Variants in PALS1 observed in about 807,000 individuals in gnomAD.
PALS1 encodes the protein protein PALS1.
In PALS1, 31 loss-of-function variants were observed where a neutral mutation model predicts 78.9. That is an observed-to-expected ratio of 0.39 (90% CI 0.30 to 0.53). The LOEUF (loss-of-function observed/expected upper bound fraction) is 0.53. Ranked by LOEUF, PALS1 falls within the 20% of genes least tolerant of loss-of-function variation. PALS1 has a pLI of 0.67. For missense variants in PALS1, 704 were observed against 826.5 expected, an observed-to-expected ratio of 0.85 and a Z score of 1.82; for synonymous variants, 276 against 270.9, an observed-to-expected ratio of 1.02 and a Z score of -0.18.
intron 6 of PALS1, 89 bp from the exon 7 acceptor site, chr14:67,302,318 ATTG>A: frequency 8.9e-7 from 1 of 1,125,506 alleles, no homozygotes. Context: ...GAAGGTTAGT[ATTG>A]TTGAATGGAA....
chr14:67,310,839 A>C (rs866044677), intron 8 of PALS1, among the ~76,000 whole-genome samples: 1 of 152,178 alleles, frequency 6.6e-6, no homozygotes, highest in Non-Finnish European at 1.5e-5. Flanking sequence ...CTGTCTATCT[A>C]TCTATCTATG....
chr14:67,331,563 C>G (rs1232838432), intron 14 of PALS1, among the ~76,000 whole-genome samples: 6 of 152,018 alleles, frequency 3.9e-5, no homozygotes, highest in Admixed American at 1.3e-4. Context: ...TCAGTTTTGC[C>G]TAGTTCAGCT....
intron 1 of PALS1, among the ~76,000 whole-genome samples, chr14:67,258,477 G>A (rs958095767): frequency 4.6e-5 from 7 of 152,144 alleles, no homozygotes; most frequent in African/African-American, 1.7e-4. Context: ...CTGGAGGGTC[G>A]TGGTGTGATC....
intron 1 of PALS1, among the ~76,000 whole-genome samples, chr14:67,246,049 TATTTGACTGC>T (rs1330966289): frequency 6.6e-6 from 1 of 152,096 alleles, no homozygotes; most frequent in Non-Finnish European, 1.5e-5. Context: ...TGTCAAAAGC[TATTTGACTGC>T]ATTTGTTTGG....
chr14:67,262,996 C>A (rs1010926652), intron 1 of PALS1, among the ~76,000 whole-genome samples: 2 of 152,110 alleles, frequency 1.3e-5, no homozygotes, highest in Non-Finnish European at 2.9e-5. Context: ...TACATTTAAT[C>A]TTTTATTGCT....
intron 1 of PALS1, among the ~76,000 whole-genome samples, chr14:67,247,217 C>T (rs2084000999): frequency 6.6e-6 from 1 of 152,092 alleles, no homozygotes; most frequent in African/African-American, 2.4e-5. Context: ...TTGTAGTTTT[C>T]AATATGCAGA....
At chr14:67,292,785 T>C (rs1345699827) in intron 4 of PALS1, 66 bp downstream of exon 4, 1 of 1,244,242 alleles carries the variant, frequency 8.0e-7, no homozygotes, top group African/African-American at 1.5e-5. Flanking sequence ...GGCAGGATTA[T>C]TGGAAAATAC....
chr14:67,283,313 A>G (rs1377812020), intron 3 of PALS1, among the ~76,000 whole-genome samples: 1 of 152,214 alleles, frequency 6.6e-6, no homozygotes, highest in Non-Finnish European at 1.5e-5. Context: ...TCAAAAGATT[A>G]TTGACATTTT....
At chr14:67,306,177 C>G (rs1410520312) in intron 8 of PALS1, among the ~76,000 whole-genome samples, 1 of 152,154 alleles carries the variant, frequency 6.6e-6, no homozygotes, top group Non-Finnish European at 1.5e-5. Flanking sequence ...ACTATGTTGG[C>G]CATGCTGGTC....
chr14:67,303,638 G>A (rs780012935), intron 8 of PALS1, 39 bp downstream of exon 8: 5 of 1,445,056 alleles, frequency 3.5e-6, no homozygotes, highest in Admixed American at 1.7e-5. Flanking sequence ...ATGTGTTTGT[G>A]GATGCTGTTT....
At chr14:67,304,691 A>G (rs1024327794) in intron 8 of PALS1, among the ~76,000 whole-genome samples, 2 of 152,248 alleles carry the variant, frequency 1.3e-5, no homozygotes, top group African/African-American at 2.4e-5. Context: ...TTTTGAGGGC[A>G]TAAGTATGTT....
chr14:67,244,132 C>T (rs1262471512), intron 1 of PALS1, among the ~76,000 whole-genome samples: 1 of 152,138 alleles, frequency 6.6e-6, no homozygotes, highest in African/African-American at 2.4e-5. Flanking sequence ...TTTTTAATAA[C>T]TACTAACTGC....
intron 12 of PALS1, 139 bp from the exon 13 acceptor site, chr14:67,320,918 A>G: frequency 1.4e-6 from 1 of 693,330 alleles, no homozygotes; most frequent in South Asian, 1.9e-5. Context: ...AATGTTAAAC[A>G]TGTAGGCACT....
At chr14:67,262,159 A>G (rs2140511553) in intron 1 of PALS1, among the ~76,000 whole-genome samples, 1 of 152,304 alleles carries the variant, frequency 6.6e-6, no homozygotes, top group South Asian at 2.1e-4. Flanking sequence ...TAGAGATCAA[A>G]TGAGATAATA....
intron 1 of PALS1, among the ~76,000 whole-genome samples, chr14:67,268,685 A>T (rs1416080878): frequency 6.6e-6 from 1 of 152,210 alleles, no homozygotes; most frequent in Non-Finnish European, 1.5e-5. Flanking sequence ...TAATTAGCAT[A>T]TAGTGAGCAG....
chr14:67,252,709 A>G (rs957267920), intron 1 of PALS1, among the ~76,000 whole-genome samples: 1 of 152,224 alleles, frequency 6.6e-6, no homozygotes, highest in Non-Finnish European at 1.5e-5. Flanking sequence ...TGATGTCATC[A>G]GTGTTGAGAA....
Position 67,334,431 on chromosome 14 carries a change from T to C in PALS1, c.*1475T>C, listed in dbSNP as rs956190245. 6.6e-6 allele frequency: 1 copy of C among 152,638 alleles called. No homozygotes were observed. Among genetic ancestry groups the C allele is most frequent in the African/African-American group, 2.4e-5 (1 of 41,458 alleles). The allele number at this position is 152,638 out of a possible 1,614,324, so 9.5% of individuals were successfully genotyped here. A position where few individuals can be genotyped will look rare whatever the true frequency, so the allele number is the denominator to read the frequency against. On this transcript the variant is annotated 3_prime_UTR_variant, in exon 15 of 15. Transcript: ENST00000261681. ...GTGACTTTAGCTACAGCATTTCCTATACCCAGAGCTAAACACTGGAATAAT... is the reference window on the plus strand; with the variant it reads ...GTGACTTTAGCTACAGCATTTCCTACACCCAGAGCTAAACACTGGAATAAT...
intron 7 of PALS1, 114 bp from the exon 8 acceptor site, chr14:67,303,408 T>G: frequency 1.3e-6 from 1 of 750,100 alleles, no homozygotes; most frequent in Non-Finnish European, 2.3e-6. Context: ...TGCTGGTCAT[T>G]TAAGTCTGTG....
chr14:67,320,981 T>C, intron 12 of PALS1, 76 bp from the exon 13 acceptor site: 1 of 1,229,008 alleles, frequency 8.1e-7, no homozygotes, highest in Non-Finnish European at 1.2e-6. Flanking sequence ...ATAGAAATTC[T>C]TTCTGACTAG....
Sources: gnomAD v4.1 joint callset for allele counts (sites outside exome capture counted in the v4.1 genomes callset) on GRCh38, gnomAD v4.1.1 for gene constraint, MANE v1.5 for transcripts, NCBI Gene and HGNC (gene_info 2026-07-23, HGNC 2026-07-21) for gene names.